The following CLEC17A variants were observed in gnomAD, a reference collection of about 807,000 sequenced individuals.
CLEC17A encodes the protein C-type lectin domain family 17, member A.
A neutral mutation model predicts 61.3 loss-of-function variants in CLEC17A; 37 were observed. That is an observed-to-expected ratio of 0.60 (90% CI 0.46 to 0.79). The LOEUF (loss-of-function observed/expected upper bound fraction) is 0.79, where lower values mean the gene tolerates loss of function less well. CLEC17A is among the 30% of genes least tolerant of loss of function. The pLI, the probability that CLEC17A is intolerant of heterozygous loss-of-function variation, is 0.00. For synonymous variants in CLEC17A, 168 were observed against 164.9 expected (o/e 1.02, Z -0.14); for missense variants, 418 against 464.7 (o/e 0.90, Z 0.92).
At chr19:14,601,627 C>T (rs12982048) in intron 12 of CLEC17A, among the ~76,000 whole-genome samples, 16,839 of 151,746 alleles carry the variant, frequency 0.11, 1,059 homozygotes, top group African/African-American at 0.16. Flanking sequence ...TTCCTTTTTT[C>T]TGTTTTTCAG....
At chr19:14,607,434 A>G (rs933627602) in intron 13 of CLEC17A, among the ~76,000 whole-genome samples, 3 of 151,652 alleles carry the variant, frequency 2.0e-5, no homozygotes, top group Non-Finnish European at 4.4e-5. Flanking sequence ...TGATCTCCTG[A>G]CCTCGTGATC....
At chr19:14,599,547 C>T (rs375384065) in intron 10 of CLEC17A, 170 bp from the exon 11 acceptor site, 47 of 687,762 alleles carry the variant, frequency 6.8e-5, no homozygotes, top group East Asian at 3.0e-4. Flanking sequence ...GAGCCATTCT[C>T]GGATTCTGAG....
intron 2 of CLEC17A, among the ~76,000 whole-genome samples, chr19:14,587,046 G>A (rs548376210): frequency 6.6e-6 from 1 of 151,454 alleles, no homozygotes; most frequent in African/African-American, 2.4e-5. Flanking sequence ...GCACCACCAC[G>A]CCCGGCTAGT....
upstream of CLEC17A, among the ~76,000 whole-genome samples, chr19:14,581,409 C>T (rs759141471): frequency 8.6e-5 from 13 of 151,728 alleles, no homozygotes; most frequent in Non-Finnish European, 1.0e-4. Flanking sequence ...CTGCAGCCTC[C>T]GCCTCCCGGG....
chr19:14,599,078 G>GATT (rs2074632965), intron 10 of CLEC17A, among the ~76,000 whole-genome samples: 1 of 73,574 alleles, frequency 1.4e-5, no homozygotes. Context: ...CTGTATCTTT[G>GATT]CTTTTTTTTT....
intron 10 of CLEC17A, among the ~76,000 whole-genome samples, chr19:14,599,079 CTTTTT>C (rs796835309): frequency 3.2e-4 from 18 of 56,942 alleles, no homozygotes; most frequent in African/African-American, 1.4e-3. Flanking sequence ...TGTATCTTTG[CTTTTT>C]TTTTTTTTTT....
intron 12 of CLEC17A, among the ~76,000 whole-genome samples, chr19:14,604,694 C>T (rs550314325): frequency 2.0e-4 from 31 of 151,780 alleles, no homozygotes; most frequent in Admixed American, 5.9e-4. Context: ...ACCTGCGAGG[C>T]GGAGGGTGCA....
intron 13 of CLEC17A, among the ~76,000 whole-genome samples, chr19:14,608,792 C>G (rs1188036537): frequency 6.7e-6 from 1 of 148,236 alleles, no homozygotes; most frequent in African/African-American, 2.5e-5. Context: ...CACCACCATG[C>G]CTGGCTAATT....
intron 3 of CLEC17A, 92 bp downstream of exon 3, chr19:14,587,783 C>G: frequency 1.3e-6 from 2 of 1,571,810 alleles, no homozygotes; most frequent in Non-Finnish European, 1.7e-6. Flanking sequence ...CACAGTCAGT[C>G]TCCTCTCTAC....
intron 12 of CLEC17A, among the ~76,000 whole-genome samples, chr19:14,601,995 T>G (rs1041876129): frequency 3.9e-5 from 6 of 152,054 alleles, no homozygotes; most frequent in African/African-American, 1.4e-4. Context: ...GGTTTCACTG[T>G]GTTAGCCAGG....
At chr19:14,597,853 C>A (rs7343098) in intron 10 of CLEC17A, among the ~76,000 whole-genome samples, 6,873 of 152,168 alleles carry the variant, frequency 0.045, 501 homozygotes, top group African/African-American at 0.16. Flanking sequence ...TTCCTCCTGC[C>A]GCAGCCTCCT....
Position 14,610,161 on chromosome 19 carries a change from A to G in CLEC17A, c.1102A>G (p.Thr368Ala). Residue 368 changes from threonine (T) to alanine (A), a missense_variant, in exon 14 of 14, where the codon ACG becomes GCG. Coordinates refer to ENST00000417570, the MANE Select transcript of CLEC17A (RefSeq NM_001204118.2). ...TWNDLSCYKT[T>A]YWICERKCSC is the part of the protein sequence containing the mutation. Reference sequence around the variant, plus strand: ...GAATGATCTCTCTTGCTACAAAACTACGTATTGGATTTGTGAGCGGAAATG... The same window carrying G: ...GAATGATCTCTCTTGCTACAAAACTGCGTATTGGATTTGTGAGCGGAAATG... 1 of 1,590,358 alleles carries G rather than the reference A, an allele frequency of 6.3e-7. No individual in the cohort carries two copies. Among genetic ancestry groups the G allele is most frequent in the African/African-American group, 1.3e-5 (1 of 74,574 alleles).
intron 2 of CLEC17A, 139 bp downstream of exon 2, chr19:14,583,573 C>T: frequency 6.6e-7 from 1 of 1,509,274 alleles, no homozygotes; most frequent in Non-Finnish European, 8.9e-7. Context: ...CCACACCCTG[C>T]CCAGGACGAC....
rs887349450 is a variant in CLEC17A, at chr19:14,599,570, G to T, written c.647-147G>T. The T allele has an allele frequency of 7.0e-6, 5 of 713,704 alleles. No individual in the cohort carries two copies. In the African/African-American group the frequency reaches 8.7e-5, roughly 12 times the overall value. The allele number at this position is 713,704 out of a possible 1,614,324, so 44.2% of individuals were successfully genotyped here. On this transcript the variant is annotated intron_variant, in intron 10 of 13. Transcript: ENST00000417570. ...CTCGGATTCTGAGCACTGTACATGT[G>T]GTTTTTGAGCGCAAGCGTGACCCAC...
Position 14,595,301 on chromosome 19 carries a change from A to T in CLEC17A, c.431A>T (p.Gln144Leu). The T allele has an allele frequency of 6.2e-7, 1 of 1,613,944 alleles. No individual in the cohort carries two copies. Among genetic ancestry groups the T allele is most frequent in the Non-Finnish European group, 8.5e-7 (1 of 1,179,842 alleles). ...GTGAATCTTGAGCCTTCTCCATTGCAGCCATCCCTGGCCGGTAAGTGTCCT... is the reference window on the plus strand; with the variant it reads ...GTGAATCTTGAGCCTTCTCCATTGCTGCCATCCCTGGCCGGTAAGTGTCCT... ...LAVNLEPSPLQPSLAATPVPW... is the reference protein window; with the variant it reads ...LAVNLEPSPLLPSLAATPVPW... Residue 144 changes from glutamine to leucine, a missense_variant, in exon 8 of 14, where the codon CAG (glutamine) becomes CTG (leucine). Physicochemically the swap from Gln to Leu is moderately radical, Grantham distance 113. Coordinates refer to ENST00000417570, the MANE Select transcript of CLEC17A (RefSeq NM_001204118.2).
At chr19:14,591,970 A>G (rs1232503054) in intron 3 of CLEC17A, among the ~76,000 whole-genome samples, 1 of 150,340 alleles carries the variant, frequency 6.7e-6, no homozygotes, top group African/African-American at 2.5e-5. Flanking sequence ...CCCAAGATGG[A>G]TTTGCCTGTA....
Position 14,610,116 on chromosome 19 carries a change from A to G in CLEC17A, c.1057A>G (p.Met353Val), listed in dbSNP as rs2075013111. The change falls in exon 14 of 14, where the codon ATG becomes GTG. Residue 353 changes from methionine to valine, a missense_variant. By Grantham distance (21) the Met-to-Val change is conservative. Transcript: ENST00000417570. ...NNIHDEDCATMNKGGTWNDLS... is the reference protein window; with the variant it reads ...NNIHDEDCATVNKGGTWNDLS... ...CATCCACGATGAGGACTGTGCTACC[A>G]TGAACAAAGGTGGCACCTGGAATGA... 1.9e-6 allele frequency: 3 copies of G among 1,612,060 alleles called. No homozygotes were observed. The East Asian group carries it at 6.7e-5, about 36-fold the overall frequency.
intron 10 of CLEC17A, among the ~76,000 whole-genome samples, chr19:14,598,332 CTCTTTCTT>C (rs35441146): frequency 3.3e-5 from 5 of 150,970 alleles, no homozygotes; most frequent in African/African-American, 9.8e-5. Flanking sequence ...CTCTCACTAT[CTCTTTCTT>C]TCTTTCTTTC....
At chr19:14,603,277 C>A (rs1291179275) in intron 12 of CLEC17A, among the ~76,000 whole-genome samples, 1 of 152,108 alleles carries the variant, frequency 6.6e-6, no homozygotes, top group Non-Finnish European at 1.5e-5. Context: ...GAGCACACAT[C>A]GGGTCTTTGC....
Sources: gnomAD v4.1 joint callset for allele counts (sites outside exome capture counted in the v4.1 genomes callset) on GRCh38, gnomAD v4.1.1 for gene constraint, MANE v1.5 for transcripts, NCBI Gene and HGNC (gene_info 2026-07-23, HGNC 2026-07-21) for gene names.